Variants in PDE3B observed in about 807,000 individuals in gnomAD.
PDE3B encodes cGMP-inhibited 3',5'-cyclic phosphodiesterase 3B.
In PDE3B, 66 loss-of-function variants were observed where a neutral mutation model predicts 116.8. The observed-to-expected ratio is 0.56, with a 90% confidence interval of 0.46 to 0.69. The LOEUF (loss-of-function observed/expected upper bound fraction) is 0.69. PDE3B is among the 30% of genes least tolerant of loss of function. The probability of loss-of-function intolerance (pLI) is 0.00; values close to 1 mark genes in which losing one functional copy is unlikely to be tolerated. For missense variants in PDE3B, 1,384 were observed against 1,368.1 expected (o/e 1.01, Z -0.18); for synonymous variants, 595 against 533.6 (o/e 1.12, Z -1.59).
chr11:14,780,635 A>G (rs1054152356), intron 2 of PDE3B, among the ~76,000 whole-genome samples: 3 of 152,352 alleles, frequency 2.0e-5, no homozygotes, highest in South Asian at 2.1e-4. Context: ...AAGACACAAC[A>G]TACCAGAATC....
intron 1 of PDE3B, among the ~76,000 whole-genome samples, chr11:14,707,686 T>C (rs1448607084): frequency 6.6e-6 from 1 of 151,994 alleles, no homozygotes; most frequent in Non-Finnish European, 1.5e-5. Context: ...GGAGGTAATA[T>C]GGGCATACTA....
chr11:14,690,138 G>A (rs1309718574), intron 1 of PDE3B, among the ~76,000 whole-genome samples: 2 of 152,128 alleles, frequency 1.3e-5, no homozygotes, highest in Admixed American at 6.5e-5. Context: ...TGATATGGAC[G>A]TGTCCTATAA....
the PDE3B span, among the ~76,000 whole-genome samples, chr11:14,895,941 T>C: frequency 9.7e-6 from 1 of 102,606 alleles, no homozygotes; most frequent in Non-Finnish European, 2.4e-5. Flanking sequence ...ATGATGATGG[T>C]GGTGGGTGTG....
chr11:14,759,134 G>A (rs566971471), intron 1 of PDE3B, among the ~76,000 whole-genome samples: 13 of 152,244 alleles, frequency 8.5e-5, no homozygotes, highest in African/African-American at 2.9e-4. Context: ...GATCATGGTG[G>A]ATAAGCTTTT....
At position 14,835,097 on chromosome 11, in the gene PDE3B, T is replaced by C; in HGVS notation, c.2320+2T>C. On this transcript the variant is annotated splice_donor_variant, in intron 11 of 15. Coordinates refer to ENST00000282096, the MANE Select transcript of PDE3B (RefSeq NM_000922.4). LOFTEE classifies it high-confidence loss of function. ...GTTGTGGAACAGGAAATGAAACAGG[T>C]ACTTCCTTCTACAAATCTCTTAATT... The C allele has an allele frequency of 3.3e-6, 5 of 1,515,826 alleles. No individual in the cohort carries two copies. The highest frequency in any genetic ancestry group is 4.6e-6 in the Non-Finnish European group (5 of 1,098,422). The allele number at this position is 1,515,826 out of a possible 1,614,324, so 93.9% of individuals were successfully genotyped here.
At chr11:14,646,079 T>C (rs189886810) in intron 1 of PDE3B, among the ~76,000 whole-genome samples, 2 of 152,352 alleles carry the variant, frequency 1.3e-5, no homozygotes, top group Non-Finnish European at 2.9e-5. Context: ...TGCTGTGTTC[T>C]GCACGACTAA....
chr11:14,782,670 T>G (rs1458223822), intron 2 of PDE3B, among the ~76,000 whole-genome samples: 1 of 152,160 alleles, frequency 6.6e-6, no homozygotes, highest in Non-Finnish European at 1.5e-5. Flanking sequence ...GAAGAAAACC[T>G]AGGCAATACC....
Position 14,644,795 on chromosome 11 carries a change from GC to G in PDE3B, c.723del (p.Ser242ProfsTer47). 3.7e-6 allele frequency: 6 copies of G among 1,610,410 alleles called. No individual in the cohort carries two copies. Among genetic ancestry groups the G allele is most frequent in the Non-Finnish European group, 5.1e-6 (6 of 1,178,286 alleles). On this transcript the variant is annotated frameshift_variant, in exon 1 of 16. Transcript: ENST00000282096. LOFTEE classifies it high-confidence loss of function. The stretch of plus-strand genomic sequence containing the variant: ...TCTCCTTCACCAGCCTCGGGTCGCT[GC>G]CCTCCGCCCTCAGGCCGCTGCTCTC... Reference protein sequence around the residue: ...WVSFTSLGSLPSALRPLLSGL... With the variant: ...WVSFTSLGSLXSALRPLLSGL...
chr11:14,864,020 A>G (rs1847997316), intron 14 of PDE3B, among the ~76,000 whole-genome samples: 1 of 152,228 alleles, frequency 6.6e-6, no homozygotes, highest in Non-Finnish European at 1.5e-5. Flanking sequence ...CAAATTGGAT[A>G]AAGAGTTAAG....
chr11:14,664,643 A>G (rs184967352), intron 1 of PDE3B, among the ~76,000 whole-genome samples: 128 of 152,366 alleles, frequency 8.4e-4, no homozygotes, highest in African/African-American at 3.0e-3. Context: ...AAACAGCTCT[A>G]AGCAAATAAA....
chr11:14,736,986 C>T (rs1292001436), intron 1 of PDE3B, among the ~76,000 whole-genome samples: 1 of 152,176 alleles, frequency 6.6e-6, no homozygotes, highest in Non-Finnish European at 1.5e-5. Context: ...CCACCATGTA[C>T]TAGCTGTGCA....
chr11:14,889,866 C>T, the PDE3B span, among the ~76,000 whole-genome samples: 8 of 152,170 alleles, frequency 5.3e-5, no homozygotes, highest in Admixed American at 3.9e-4. Context: ...CAGTGGCTCA[C>T]ACCTGTAATC....
chr11:14,785,228 A>T (rs575685553), intron 2 of PDE3B, among the ~76,000 whole-genome samples: 141 of 152,282 alleles, frequency 9.3e-4, no homozygotes, highest in African/African-American at 2.4e-3. Flanking sequence ...AGCTGTGTAT[A>T]GGAAATATGC....
At chr11:14,856,822 C>G (rs189189910) in intron 12 of PDE3B, among the ~76,000 whole-genome samples, 1 of 149,644 alleles carries the variant, frequency 6.7e-6, no homozygotes, top group Admixed American at 6.7e-5. Flanking sequence ...CCACTGCACT[C>G]TAGCCTGGGC....
intron 1 of PDE3B, among the ~76,000 whole-genome samples, chr11:14,710,333 T>G (rs1855667222): frequency 6.6e-6 from 1 of 152,156 alleles, no homozygotes; most frequent in Non-Finnish European, 1.5e-5. Flanking sequence ...ATTTTTGGTT[T>G]CCTAGGACAT....
the PDE3B span, among the ~76,000 whole-genome samples, chr11:14,889,990 G>A: frequency 6.6e-6 from 1 of 152,040 alleles, no homozygotes; most frequent in Non-Finnish European, 1.5e-5. Context: ...TTAGCCGGGC[G>A]TGGTGGCGAG....
chr11:14,874,814 C>T (rs1848174594), downstream of PDE3B, among the ~76,000 whole-genome samples: 1 of 152,086 alleles, frequency 6.6e-6, no homozygotes, highest in African/African-American at 2.4e-5. Context: ...CACATTTATG[C>T]CACCATTGTC....
At chr11:14,659,211 A>G (rs189900185) in intron 1 of PDE3B, among the ~76,000 whole-genome samples, 2 of 152,184 alleles carry the variant, frequency 1.3e-5, no homozygotes, top group African/African-American at 4.8e-5. Flanking sequence ...CTCTAAAATA[A>G]AGGAGGAGCA....
intron 1 of PDE3B, among the ~76,000 whole-genome samples, chr11:14,696,947 T>A (rs1590069322): frequency 6.6e-6 from 1 of 151,046 alleles, no homozygotes; most frequent in Non-Finnish European, 1.5e-5. Context: ...TATCTTTCAC[T>A]TTTTTTTTAG....
Sources: allele counts gnomAD v4.1 joint callset (sites outside exome capture counted in the v4.1 genomes callset), GRCh38; gene constraint gnomAD v4.1.1; transcripts MANE v1.5; gene names NCBI Gene and HGNC (gene_info 2026-07-23, HGNC 2026-07-21).